Variants in CDH12 observed in about 807,000 individuals in gnomAD.
CDH12 encodes the protein cadherin 12, also known as cadherin-12.
In CDH12, 41 loss-of-function variants were observed where a neutral mutation model predicts 74.1. The observed-to-expected ratio is 0.55, with a 90% CI of 0.43 to 0.72. CDH12 has a LOEUF of 0.72. Ranked by LOEUF, CDH12 falls within the 30% of genes least tolerant of loss-of-function variation. CDH12 has a pLI of 0.00. For synonymous variants in CDH12, 399 were observed against 355.0 expected, an observed-to-expected ratio of 1.12 and a Z score of -1.39; for missense variants, 945 against 977.2, an observed-to-expected ratio of 0.97 and a Z score of 0.44.
At chr5:22,458,086 G>A (rs893485948) in intron 2 of CDH12, among the ~76,000 whole-genome samples, 6 of 151,952 alleles carry the variant, frequency 3.9e-5, no homozygotes, top group African/African-American at 1.5e-4. Context: ...CACCATATTG[G>A]CCAGTCTGGT....
chr5:21,830,110 A>G (rs1358282433), intron 8 of CDH12, among the ~76,000 whole-genome samples: 1 of 149,882 alleles, frequency 6.7e-6, no homozygotes, highest in African/African-American at 2.5e-5. Context: ...GAGGCAAGAG[A>G]ATCACTTAAA....
At chr5:22,140,254 A>C (rs1284661141) in intron 4 of CDH12, among the ~76,000 whole-genome samples, 1 of 150,898 alleles carries the variant, frequency 6.6e-6, no homozygotes, top group Non-Finnish European at 1.5e-5. Context: ...AGCTAAAAAA[A>C]GGCACATTTT....
At chr5:22,068,029 G>T (rs1470223998) in intron 5 of CDH12, among the ~76,000 whole-genome samples, 1 of 151,870 alleles carries the variant, frequency 6.6e-6, no homozygotes, top group East Asian at 1.9e-4. Flanking sequence ...GCAAAAACCT[G>T]CTACCAGACC....
At chr5:22,216,522 A>G (rs1245693773) in intron 3 of CDH12, among the ~76,000 whole-genome samples, 2 of 151,968 alleles carry the variant, frequency 1.3e-5, no homozygotes, top group African/African-American at 4.8e-5. Context: ...TTTTAAATGG[A>G]TCTATAAATA....
chr5:22,330,032 G>A (rs1481603635), intron 3 of CDH12, among the ~76,000 whole-genome samples: 2 of 152,210 alleles, frequency 1.3e-5, no homozygotes, highest in African/African-American at 2.4e-5. Flanking sequence ...GGGGCTAAAG[G>A]AGTGCTTGCA....
chr5:22,474,163 A>T (rs1212056790), intron 2 of CDH12, among the ~76,000 whole-genome samples: 2 of 152,164 alleles, frequency 1.3e-5, no homozygotes, highest in African/African-American at 4.8e-5. Context: ...ATTTCCTGAA[A>T]AACAGAGAAG....
At chr5:22,594,636 C>A (rs557913658) in intron 1 of CDH12, among the ~76,000 whole-genome samples, 3 of 152,244 alleles carry the variant, frequency 2.0e-5, no homozygotes, top group Admixed American at 6.5e-5. Context: ...CAAGTCTCTA[C>A]AAACAGCTGA....
At chr5:22,629,170 T>A (rs1029228171) in intron 1 of CDH12, among the ~76,000 whole-genome samples, 3 of 151,874 alleles carry the variant, frequency 2.0e-5, no homozygotes, top group Admixed American at 2.0e-4. Context: ...ATTCCAGACA[T>A]ATAAAAAGAG....
At chr5:22,055,945 T>C (rs1740709246) in intron 5 of CDH12, among the ~76,000 whole-genome samples, 1 of 152,142 alleles carries the variant, frequency 6.6e-6, no homozygotes, top group Non-Finnish European at 1.5e-5. Flanking sequence ...TACATAGTCA[T>C]AAATAATACT....
intron 1 of CDH12, among the ~76,000 whole-genome samples, chr5:22,556,599 T>C (rs1036928490): frequency 2.0e-5 from 3 of 152,048 alleles, no homozygotes; most frequent in Non-Finnish European, 4.4e-5. Context: ...AATATTGTTT[T>C]TGGTTAAGAA....
chr5:21,910,372 G>A (rs745739702), intron 6 of CDH12, among the ~76,000 whole-genome samples: 1 of 152,268 alleles, frequency 6.6e-6, no homozygotes, highest in Non-Finnish European at 1.5e-5. Context: ...CTGTTTTCAT[G>A]TGTGGTGCCT....
rs550276545 is a variant in CDH12, at chr5:21,841,495, A to G, written c.814+666T>C. On this transcript the variant is annotated intron_variant, in intron 8 of 14. Coordinates refer to ENST00000382254, the MANE Select transcript of CDH12 (RefSeq NM_004061.5). ...ACTAGAAATACCATTTGACCCAGCCATCCCATTACTGGGTATATACCCAAA... is the reference window on the plus strand; with the variant it reads ...ACTAGAAATACCATTTGACCCAGCCGTCCCATTACTGGGTATATACCCAAA... Among the ~76,000 whole-genome samples, 992 of 149,994 alleles carry G rather than the reference A, an allele frequency of 6.6e-3. 10 individuals carry two copies. Among genetic ancestry groups the G allele is most frequent in the African/African-American group, 0.021 (869 of 40,956 alleles).
intron 1 of CDH12, among the ~76,000 whole-genome samples, chr5:22,801,649 ATATATATAT>A (rs1748523916): frequency 1.1e-5 from 1 of 90,612 alleles, no homozygotes; most frequent in Non-Finnish European, 2.2e-5. Flanking sequence ...ATATATATAT[ATATATATAT>A]ATATATATAT....
intron 11 of CDH12, among the ~76,000 whole-genome samples, chr5:21,769,033 A>G (rs1256191150): frequency 2.0e-5 from 3 of 152,040 alleles, no homozygotes; most frequent in African/African-American, 7.2e-5. Flanking sequence ...GGCTATCTCA[A>G]TAGGCTTGGA....
chr5:21,977,744 A>C (rs1181746364), intron 5 of CDH12, among the ~76,000 whole-genome samples: 1 of 152,178 alleles, frequency 6.6e-6, no homozygotes, highest in Non-Finnish European at 1.5e-5. Flanking sequence ...CTTTTCCTTC[A>C]AATTTAAAGA....
In CDH12 at chr5:21,983,612, C is replaced by T. The variant is rs184167840; in HGVS notation, c.232-8227G>A. Among the ~76,000 whole-genome samples the T allele has an allele frequency of 5.9e-5, 9 of 152,226 alleles. No homozygotes were observed. The East Asian group carries it at 1.7e-3, about 29-fold the overall frequency. On this transcript the variant is annotated intron_variant, in intron 5 of 14. Coordinates refer to ENST00000382254, the MANE Select transcript of CDH12 (RefSeq NM_004061.5). ...ATTCGAAAACTATTTTCCTTCAGCA[C>T]TCAGAAATTTTTATCAATGATTATT...
At chr5:22,527,263 T>C (rs1737328211) in intron 1 of CDH12, among the ~76,000 whole-genome samples, 1 of 152,132 alleles carries the variant, frequency 6.6e-6, no homozygotes, top group African/African-American at 2.4e-5. Context: ...TCTTTTCCTC[T>C]ATTCAAGGGG....
At chr5:21,820,806 T>C (rs1166907599) in intron 8 of CDH12, among the ~76,000 whole-genome samples, 4 of 151,996 alleles carry the variant, frequency 2.6e-5, no homozygotes, top group African/African-American at 9.7e-5. Flanking sequence ...AAAGTTGGAT[T>C]GTTCATGATG....
intron 4 of CDH12, among the ~76,000 whole-genome samples, chr5:22,208,468 C>A (rs1431753716): frequency 6.6e-6 from 1 of 152,172 alleles, no homozygotes; most frequent in Non-Finnish European, 1.5e-5. Context: ...TCTTTTCTTT[C>A]TTTTCTACTG....
Sources: allele counts gnomAD v4.1 joint callset (sites outside exome capture counted in the v4.1 genomes callset), GRCh38; gene constraint gnomAD v4.1.1; transcripts MANE v1.5; gene names NCBI Gene and HGNC (gene_info 2026-07-23, HGNC 2026-07-21).